Variants in CRTC3 observed in about 807,000 individuals in gnomAD.
CRTC3 encodes the protein CREB-regulated transcription coactivator 3.
Under a neutral mutation model 74.5 loss-of-function variants are expected in CRTC3, and 26 were observed. The observed-to-expected ratio is 0.35, with a 90% CI of 0.26 to 0.48. The LOEUF (loss-of-function observed/expected upper bound fraction) is 0.48. Among genes scored for constraint, CRTC3 ranks in the 20% least tolerant of loss-of-function variants. The pLI, the probability that CRTC3 is intolerant of heterozygous loss-of-function variation, is 0.99. For synonymous variants in CRTC3, 377 were observed against 325.8 expected (o/e 1.16, Z -1.69); for missense variants, 760 against 787.3 (o/e 0.97, Z 0.41).
intron 9 of CRTC3, among the ~76,000 whole-genome samples, chr15:90,624,238 G>A (rs969518365): frequency 5.9e-5 from 9 of 151,924 alleles, no homozygotes; most frequent in Admixed American, 3.3e-4. Context: ...TCTCCTCCGC[G>A]TCACCCTCAC....
intron 2 of CRTC3, among the ~76,000 whole-genome samples, chr15:90,579,633 A>AC (rs1875161172): frequency 9.4e-6 from 1 of 106,770 alleles, no homozygotes; most frequent in Non-Finnish European, 1.9e-5. Flanking sequence ...AACGTATTTC[A>AC]CTTTTTTTTT....
Position 90,641,923 on chromosome 15 carries a change from T to G in CRTC3, c.1652-9T>G. On this transcript the variant is annotated splice_polypyrimidine_tract_variant and intron_variant, in intron 14 of 14. Coordinates refer to ENST00000268184, the MANE Select transcript of CRTC3 (RefSeq NM_022769.5). ...CCGCACTGTTTTCCCCTCTGGCCAC[T>G]CCTTTCAGAAGACTCCAGCACCAGC... is the stretch of plus-strand genomic sequence containing the variant. 2 of 1,612,634 alleles carry G rather than the reference T, an allele frequency of 1.2e-6. No individual in the cohort carries two copies. Among genetic ancestry groups the G allele is most frequent in the Non-Finnish European group, 1.7e-6 (2 of 1,179,626 alleles).
At chr15:90,593,601 G>T (rs1175238307) in intron 2 of CRTC3, 35 bp from the exon 3 acceptor site, 2 of 1,584,850 alleles carry the variant, frequency 1.3e-6, no homozygotes, top group African/African-American at 2.7e-5. Context: ...CAATTTCATG[G>T]TTGGAGGCCA....
chr15:90,535,399 A>G (rs534407498), intron 1 of CRTC3, among the ~76,000 whole-genome samples: 1 of 152,306 alleles, frequency 6.6e-6, no homozygotes, highest in Non-Finnish European at 1.5e-5. Flanking sequence ...TGGTCTAGTC[A>G]TGTGGAGGTC....
chr15:90,622,475 T>C (rs556179257), intron 9 of CRTC3, among the ~76,000 whole-genome samples: 43 of 152,300 alleles, frequency 2.8e-4, no homozygotes, highest in African/African-American at 9.1e-4. Context: ...TGCTGTCACG[T>C]TGAGGGCTCT....
At chr15:90,535,561 A>G (rs1157205765) in intron 1 of CRTC3, among the ~76,000 whole-genome samples, 1 of 152,226 alleles carries the variant, frequency 6.6e-6, no homozygotes, top group Non-Finnish European at 1.5e-5. Context: ...GTGAAGAGCA[A>G]CTTGTGTTGA....
chr15:90,558,155 C>A (rs1056280233), intron 2 of CRTC3, among the ~76,000 whole-genome samples: 1 of 152,086 alleles, frequency 6.6e-6, no homozygotes, highest in Non-Finnish European at 1.5e-5. Context: ...GTCTCACATC[C>A]CACAGCTAAG....
intron 2 of CRTC3, among the ~76,000 whole-genome samples, chr15:90,547,967 C>T (rs1313002986): frequency 6.8e-6 from 1 of 147,542 alleles, no homozygotes; most frequent in Non-Finnish European, 1.5e-5. Flanking sequence ...TGGCTCACTG[C>T]AACCTCCACC....
chr15:90,552,123 G>A (rs1026323060), intron 2 of CRTC3, among the ~76,000 whole-genome samples: 6 of 152,094 alleles, frequency 3.9e-5, no homozygotes, highest in African/African-American at 1.4e-4. Context: ...TTTCCCGAGC[G>A]CCTGCTGTGG....
At chr15:90,555,927 G>A (rs1007564797) in intron 2 of CRTC3, among the ~76,000 whole-genome samples, 4 of 152,138 alleles carry the variant, frequency 2.6e-5, no homozygotes, top group African/African-American at 9.6e-5. Context: ...AAAGTAATAT[G>A]TGCTCATTGT....
At chr15:90,536,611 T>C (rs952222049) in intron 1 of CRTC3, among the ~76,000 whole-genome samples, 1 of 152,178 alleles carries the variant, frequency 6.6e-6, no homozygotes, top group African/African-American at 2.4e-5. Flanking sequence ...TCGTGTTGGC[T>C]ATTGTGAGAC....
intron 11 of CRTC3, among the ~76,000 whole-genome samples, chr15:90,632,250 C>CA (rs1357560889): frequency 6.6e-6 from 1 of 151,936 alleles, no homozygotes; most frequent in Admixed American, 6.6e-5. Flanking sequence ...ACTGTATGGC[C>CA]AGAGTGTCCC....
In CRTC3 at chr15:90,593,733, C is replaced by G. The variant is rs769618817; in HGVS notation, c.329C>G (p.Ser110Cys). 1 of 1,608,248 alleles carries G rather than the reference C, an allele frequency of 6.2e-7. No homozygotes were observed. The highest frequency in any genetic ancestry group is 1.1e-5 in the South Asian group (1 of 90,732). ...RNRFHPLHRR[S>C]GDKPGRQFDG... is the part of the protein sequence containing the mutation. ...CGCTTCCACCCCCTCCACCGAAGGT[C>G]TGGGGACAAGCCAGGGCGACAAATA... Residue 110 changes from serine to cysteine, a missense_variant, in exon 3 of 15, where the codon TCT (serine) becomes TGT (cysteine). By Grantham distance (112) the Ser-to-Cys change is moderately radical. Around this residue, in one of 2 missense-constraint regions of CRTC3, gnomAD observed 652 missense variants for 635.2 expected, o/e 1.03. Transcript: ENST00000268184.
intron 3 of CRTC3, among the ~76,000 whole-genome samples, chr15:90,596,925 A>C (rs1967940776): frequency 6.6e-6 from 1 of 152,262 alleles, no homozygotes; most frequent in Admixed American, 6.5e-5. Flanking sequence ...AAGGGTTTTA[A>C]GGGTTCACTC....
At chr15:90,592,862 G>A in intron 2 of CRTC3, among the ~76,000 whole-genome samples, 1 of 152,114 alleles carries the variant, frequency 6.6e-6, no homozygotes, top group East Asian at 1.9e-4. Flanking sequence ...AAGATATTTT[G>A]ATTTATGGGT....
At chr15:90,535,158 TC>T (rs1184207754) in intron 1 of CRTC3, among the ~76,000 whole-genome samples, 1 of 70,790 alleles carries the variant, frequency 1.4e-5, no homozygotes, top group Non-Finnish European at 2.7e-5. Flanking sequence ...CGAAACTCCG[TC>T]TCAAAAAAAA....
chr15:90,553,482 C>T lies in CRTC3; in HGVS notation c.231+13345C>T, dbSNP rs76884001. The stretch of plus-strand genomic sequence containing the variant: ...ATTTTTCCCTTCCTTTTTATCTAGC[C>T]GTACATGTTGAATAGAAGACTTATA... On this transcript the variant is annotated intron_variant, in intron 2 of 14. Transcript: ENST00000268184. Among the ~76,000 whole-genome samples the T allele has an allele frequency of 3.3e-3, 509 of 152,098 alleles. 5 individuals are homozygous for T. The highest frequency in any genetic ancestry group is 0.011 in the African/African-American group (458 of 41,462).
chr15:90,558,231 G>A (rs1356513861), intron 2 of CRTC3, among the ~76,000 whole-genome samples: 2 of 152,092 alleles, frequency 1.3e-5, no homozygotes, highest in African/African-American at 2.4e-5. Context: ...GGTCGGACCC[G>A]TTATCATTTT....
At chr15:90,552,760 G>A (rs2151062288) in intron 2 of CRTC3, among the ~76,000 whole-genome samples, 1 of 152,286 alleles carries the variant, frequency 6.6e-6, no homozygotes, top group African/African-American at 2.4e-5. Context: ...GACCAAGGGG[G>A]TTTTGGAGCT....
Sources: gnomAD v4.1 joint callset for allele counts (sites outside exome capture counted in the v4.1 genomes callset) on GRCh38, gnomAD v4.1.1 for gene constraint, gnomAD v4.1.1 regional missense constraint, MANE v1.5 for transcripts, NCBI Gene and HGNC (gene_info 2026-07-23, HGNC 2026-07-21) for gene names.